The following SASH3 variants were observed in gnomAD, a reference collection of about 807,000 sequenced individuals.
SASH3 encodes SAM and SH3 domain-containing protein 3.
A neutral mutation model predicts 26.1 loss-of-function variants in SASH3; 7 were observed. The ratio of observed to expected loss-of-function variants is 0.27; its 90% CI spans 0.15 to 0.50. The LOEUF (loss-of-function observed/expected upper bound fraction) is 0.50. Ranked by LOEUF, SASH3 falls within the 20% of genes least tolerant of loss-of-function variation. The pLI is 0.98. For synonymous variants in SASH3, 138 were observed against 136.8 expected, an observed-to-expected ratio of 1.01 and a Z score of -0.06; for missense variants, 231 against 318.3, an observed-to-expected ratio of 0.73 and a Z score of 2.09.
chrX:129,786,502 C>T lies in SASH3; in HGVS notation c.58-1473C>T, dbSNP rs1211871509. Among the ~76,000 whole-genome samples the T allele has an allele frequency of 2.7e-5, 3 of 110,824 alleles. No homozygotes were observed. The Admixed American group carries it at 2.9e-4, about 11-fold the overall frequency. On this transcript the variant is annotated intron_variant, in intron 1 of 7. Coordinates refer to ENST00000356892, the MANE Select transcript of SASH3 (RefSeq NM_018990.4). ...GTTTGGGGCTTCAGTTCCTCAAGCC[C>T]TTATCTCGGGTGTCTGCAGTCTATC...
rs183724828 is a variant in SASH3, at chrX:129,791,147, G to A, written c.442+66G>A. 5.5e-5 allele frequency: 60 copies of A among 1,099,386 alleles called. No homozygotes were observed. In the East Asian group the frequency reaches 1.6e-3, roughly 29 times the overall value. The allele number at this position is 1,099,386 out of a possible 1,213,427, so 90.6% of individuals were successfully genotyped here. A position where few individuals can be genotyped will look rare whatever the true frequency, so the allele number is the denominator to read the frequency against. Reference sequence around the variant, plus strand: ...AAAGGACTGGGTTACAGCCGTGCTGGTGGCACACTGTCTGGGCGGGGGGTA... The same window carrying A: ...AAAGGACTGGGTTACAGCCGTGCTGATGGCACACTGTCTGGGCGGGGGGTA... On this transcript the variant is annotated intron_variant, in intron 4 of 7. Transcript: ENST00000356892.
Position 129,794,044 on chromosome X carries a change from C to A in SASH3, c.*212C>A. On this transcript the variant is annotated 3_prime_UTR_variant, in exon 8 of 8. Transcript: ENST00000356892. ...GGAGTCGCCCAAGGGCACATCCCACCTGCCTGAGCCCCGCCCTCCACCAGC... is the reference window on the plus strand; with the variant it reads ...GGAGTCGCCCAAGGGCACATCCCACATGCCTGAGCCCCGCCCTCCACCAGC... The A allele has an allele frequency of 2.5e-6, 1 of 399,548 alleles. No individual in the cohort carries two copies. The highest frequency in any genetic ancestry group is 5.3e-5 in the South Asian group (1 of 18,816). The allele number at this position is 399,548 out of a possible 1,213,427, so 32.9% of individuals were successfully genotyped here.
chrX:129,788,100 G>A, intron 2 of SASH3, 30 bp downstream of exon 2: 1 of 974,778 alleles, frequency 1.0e-6, no homozygotes. Context: ...TGTGGGATCT[G>A]GCTGCAGGCC....
rs1001198020 is a variant in SASH3 at position 129,780,059 on chromosome X, C to G, written c.-39C>G. The stretch of plus-strand genomic sequence containing the variant: ...GCAAGAGGCCTCTGCATCTTGACAC[C>G]TAGGAGAGCAGGGACGGAGTCTCCC... On this transcript the variant is annotated 5_prime_UTR_variant, in exon 1 of 8. Coordinates refer to ENST00000356892, the MANE Select transcript of SASH3 (RefSeq NM_018990.4). 1 of 1,197,412 alleles carries G rather than the reference C, an allele frequency of 8.4e-7. No individual in the cohort carries two copies. Among genetic ancestry groups the G allele is most frequent in the African/African-American group, 1.8e-5 (1 of 57,013 alleles).
chrX:129,780,169 G>C lies in SASH3; in HGVS notation c.57+15G>C. 1 of 1,195,272 alleles carries C rather than the reference G, an allele frequency of 8.4e-7. No individual in the cohort carries two copies. The highest frequency in any genetic ancestry group is 1.8e-5 in the South Asian group (1 of 56,119). ...AGAAGAAAAAGGTGAGGAGCATTTTGGGAACTCACATCTTCCTTTCCTCTG... is the reference window on the plus strand; with the variant it reads ...AGAAGAAAAAGGTGAGGAGCATTTTCGGAACTCACATCTTCCTTTCCTCTG... On this transcript the variant is annotated intron_variant, in intron 1 of 7. Transcript: ENST00000356892.
rs894881622 is a variant in SASH3 at position 129,794,931 on chromosome X, C to T, written c.*1099C>T. The T allele has an allele frequency of 1.8e-5, 2 of 111,589 alleles. No individual in the cohort carries two copies. The highest frequency in any genetic ancestry group is 6.5e-5 in the African/African-American group (2 of 30,654). The allele number at this position is 111,589 out of a possible 1,213,427, so 9.2% of individuals were successfully genotyped here. A position where few individuals can be genotyped will look rare whatever the true frequency, so the allele number is the denominator to read the frequency against. ...GAAGGTTTTGGTGTACATTGAGCCC[C>T]AGAAGGAAAGGAGAGTATCTGTGAG... On this transcript the variant is annotated 3_prime_UTR_variant, in exon 8 of 8. Transcript: ENST00000356892.
In SASH3 at chrX:129,788,063, A is replaced by G; in HGVS notation, c.146A>G (p.Asp49Gly). 1 of 1,012,233 alleles carries G rather than the reference A, an allele frequency of 9.9e-7. No individual in the cohort carries two copies. Among genetic ancestry groups the G allele is most frequent in the Non-Finnish European group, 1.3e-6 (1 of 770,168 alleles). The allele number at this position is 1,012,233 out of a possible 1,213,427, so 83.4% of individuals were successfully genotyped here. A position where few individuals can be genotyped will look rare whatever the true frequency, so the allele number is the denominator to read the frequency against. Residue 49 changes from aspartate to glycine, a missense_variant, in exon 2 of 8, where the codon GAT (aspartate) becomes GGT (glycine). Coordinates refer to ENST00000356892, the MANE Select transcript of SASH3 (RefSeq NM_018990.4). ...GTGAGCGAGAAGGAGTTTAATCTGG[A>G]TGATAACGTGAGTTTCAGGGCATCC... ...PVVSEKEFNL[D>G]DNIPEDDSGV... is the part of the protein sequence containing the mutation.
chrX:129,788,369 C>T (rs1424947334), intron 2 of SASH3, 62 bp from the exon 3 acceptor site: 10 of 1,174,934 alleles, frequency 8.5e-6, no homozygotes, highest in Non-Finnish European at 1.2e-5. Context: ...CCTCTTTTGC[C>T]TCAAGTCCCG....
At chrX:129,789,129 G>GAAAGAA (rs1927171405) in intron 3 of SASH3, among the ~76,000 whole-genome samples, 1 of 42,800 alleles carries the variant, frequency 2.3e-5, no homozygotes, top group Non-Finnish European at 3.6e-5. Context: ...AAGAAAGAAA[G>GAAAGAA]AAAGAAAGAA....
chrX:129,782,463 C>G (rs914048553), intron 1 of SASH3, among the ~76,000 whole-genome samples: 4 of 112,222 alleles, frequency 3.6e-5, no homozygotes, highest in Non-Finnish European at 7.5e-5. Flanking sequence ...CATCTCTTAC[C>G]TTGTTCACTC....
chrX:129,787,931 G>C (rs1272680646), intron 1 of SASH3, 44 bp from the exon 2 acceptor site: 2 of 1,046,548 alleles, frequency 1.9e-6, no homozygotes, highest in South Asian at 3.8e-5. Flanking sequence ...GGGCCCTCGG[G>C]CAGCCATTTA....
rs759924393 is a variant in SASH3, at chrX:129,794,571, C to G, written c.*739C>G. ...ACACCAGTGGGGTTTATCGAGGGGA[C>G]CAGAGGGGCCTCAGGCTTTCAGATG... On this transcript the variant is annotated 3_prime_UTR_variant, in exon 8 of 8. Transcript: ENST00000356892. 9.0e-6 allele frequency: 1 copy of G among 111,433 alleles called. No individual in the cohort carries two copies. Among genetic ancestry groups the G allele is most frequent in the Admixed American group, 9.5e-5 (1 of 10,521 alleles). 9.2% of individuals were successfully genotyped at this position (111,433 alleles called of 1,213,427 possible). A position where few individuals can be genotyped will look rare whatever the true frequency, so the allele number is the denominator to read the frequency against.
Position 129,793,856 on chromosome X carries a change from G to T in SASH3, c.*24G>T, listed in dbSNP as rs1927279783. The T allele has an allele frequency of 8.7e-7, 1 of 1,153,246 alleles. No homozygotes were observed. The highest frequency in any genetic ancestry group is 1.8e-5 in the African/African-American group (1 of 56,452). The stretch of plus-strand genomic sequence containing the variant: ...GAGGTGGCGGTGGCAATAGGCCAAG[G>T]CTGGGACCCAGCTGCAAAGGCTGTA... On this transcript the variant is annotated 3_prime_UTR_variant, in exon 8 of 8. Coordinates refer to ENST00000356892, the MANE Select transcript of SASH3 (RefSeq NM_018990.4).
chrX:129,792,274 G>T (rs1927244655), intron 4 of SASH3, 54 bp from the exon 5 acceptor site: 6 of 1,156,812 alleles, frequency 5.2e-6, no homozygotes, highest in Non-Finnish European at 6.9e-6. Flanking sequence ...GCTAGGCACT[G>T]TCTCAGCTGT....
In SASH3 at chrX:129,792,432, G is replaced by A. The variant is rs760525860; in HGVS notation, c.547G>A (p.Asp183Asn). 148 of 1,210,067 alleles carry A rather than the reference G, an allele frequency of 1.2e-4. No individual in the cohort carries two copies. Among genetic ancestry groups the A allele is most frequent in the African/African-American group, 2.1e-4 (12 of 57,178 alleles). ...PFCGRARVHT[D>N]FTPSPYDHDS... ...CTGTGGCCGGGCACGAGTCCACACC[G>A]ACTTCACTCCCAGCCCCTATGACCA... The change falls in exon 5 of 8, where the codon GAC becomes AAC. Residue 183 changes from aspartate (D) to asparagine (N), a missense_variant. Physicochemically the swap from Asp to Asn is conservative, Grantham distance 23 (BLOSUM62 1). Coordinates refer to ENST00000356892, the MANE Select transcript of SASH3 (RefSeq NM_018990.4).
intron 4 of SASH3, among the ~76,000 whole-genome samples, chrX:129,791,902 A>G (rs935551670): frequency 7.8e-4 from 87 of 111,923 alleles, no homozygotes; most frequent in Non-Finnish European, 2.6e-4. Context: ...GGAGCGTTGG[A>G]GTGGGTATCA....
chrX:129,793,099 C>T lies in SASH3; in HGVS notation c.912C>T (p.Ala304=), dbSNP rs768296333. The T allele has an allele frequency of 9.9e-6, 12 of 1,209,647 alleles. No individual in the cohort carries two copies. The South Asian group carries it at 2.1e-4, about 21-fold the overall frequency. ...ELNIMDPQHR[A]KLLTAAELLL... is the part of the protein sequence containing the mutation. ...ACATCATGGATCCACAGCACCGGGC[C>T]AAGCTGCTCACGGCCGCCGAGCTGC... The change falls in exon 7 of 8, where the codon GCC becomes GCT. Residue 304 remains alanine (A), a synonymous_variant. Coordinates refer to ENST00000356892, the MANE Select transcript of SASH3 (RefSeq NM_018990.4).
chrX:129,788,137 G>GGGGGGCGGGC, intron 2 of SASH3, 67 bp downstream of exon 2: 1 of 354,277 alleles, frequency 2.8e-6, no homozygotes. Context: ...GGGTGGGAGG[G>GGGGGGCGGGC]AAGAGGGTGA....
rs111910824 is a variant in SASH3, at chrX:129,794,214, C to T, written c.*382C>T. ...TCACCCCCACACCACCTACCCCTGT[C>T]GCACTGCTCCTGAAAAGGGGGCCAA... On this transcript the variant is annotated 3_prime_UTR_variant, in exon 8 of 8. Transcript: ENST00000356892. 854 of 199,533 alleles carry T rather than the reference C, an allele frequency of 4.3e-3. 9 individuals are homozygous for T. Among genetic ancestry groups the T allele is most frequent in the African/African-American group, 0.022 (758 of 35,133 alleles). 16.4% of individuals were successfully genotyped at this position (199,533 alleles called of 1,213,427 possible).
Sources: gnomAD v4.1 joint callset for allele counts (sites outside exome capture counted in the v4.1 genomes callset) on GRCh38, gnomAD v4.1.1 for gene constraint, MANE v1.5 for transcripts, NCBI Gene and HGNC (gene_info 2026-07-23, HGNC 2026-07-21) for gene names.